Variants in ZBTB40 observed in about 807,000 individuals in gnomAD.
ZBTB40 encodes zinc finger and BTB domain-containing protein 40.
ZBTB40 carries 60 observed loss-of-function variants against 117.5 expected under a neutral mutation model. That is an observed-to-expected ratio of 0.51 (90% CI 0.41 to 0.63). The LOEUF (loss-of-function observed/expected upper bound fraction) is 0.63, where lower values mean the gene tolerates loss of function less well. ZBTB40 is among the 30% of genes least tolerant of loss of function. ZBTB40 has a pLI of 0.00. For synonymous variants in ZBTB40, 525 were observed against 577.1 expected, an observed-to-expected ratio of 0.91 and a Z score of 1.29; for missense variants, 1,287 against 1,498.5, an observed-to-expected ratio of 0.86 and a Z score of 2.33.
At chr1:22,484,236 T>C (rs544595051) in intron 1 of ZBTB40, among the ~76,000 whole-genome samples, 27 of 152,370 alleles carry the variant, frequency 1.8e-4, no homozygotes, top group Non-Finnish European at 3.7e-4. Context: ...ATTTTGGTCA[T>C]GGGGAAGATC....
chr1:22,488,746 A>G (rs571535153), intron 1 of ZBTB40, among the ~76,000 whole-genome samples: 1 of 152,330 alleles, frequency 6.6e-6, no homozygotes, highest in East Asian at 1.9e-4. Context: ...AGCAGCAGCA[A>G]GATCTGGCTG....
chr1:22,505,275 T>C (rs1404639188), intron 5 of ZBTB40, among the ~76,000 whole-genome samples: 1 of 152,200 alleles, frequency 6.6e-6, no homozygotes, highest in Non-Finnish European at 1.5e-5. Context: ...TATTATGCTG[T>C]AGTCCATTAA....
intron 12 of ZBTB40, among the ~76,000 whole-genome samples, chr1:22,515,272 G>C (rs1042553710): frequency 3.3e-5 from 5 of 152,238 alleles, no homozygotes; most frequent in African/African-American, 1.2e-4. Flanking sequence ...AGAGCATTAA[G>C]AGATAAGGCC....
intron 3 of ZBTB40, among the ~76,000 whole-genome samples, chr1:22,496,888 G>A (rs1394977597): frequency 1.3e-5 from 2 of 152,212 alleles, no homozygotes; most frequent in Non-Finnish European, 2.9e-5. Flanking sequence ...GTACCTTGAG[G>A]AGCAAGGAAG....
rs773855785 is a variant in ZBTB40, at chr1:22,508,135, G to GAGGT, written c.1497_1497+3dup. On this transcript the variant is annotated frameshift_variant and splice_region_variant, in exon 7 of 18. Transcript: ENST00000375647. LOFTEE classifies it high-confidence loss of function. ...GACAAGTTTAGCCCCTGGAGAAAGA[G>GAGGT]AGGTAAGAGAGGGAGAGAAACAGAG... The GAGGT allele has an allele frequency of 2.4e-4, 391 of 1,613,698 alleles. No individual in the cohort carries two copies. Among genetic ancestry groups the GAGGT allele is most frequent in the Non-Finnish European group, 3.2e-4 (374 of 1,180,006 alleles).
Position 22,502,328 on chromosome 1 carries a change from G to A in ZBTB40, c.1054G>A (p.Val352Ile). Residue 352 changes from valine (V) to isoleucine (I), a missense_variant, in exon 5 of 18, where the codon GTT (valine) becomes ATT (isoleucine). Physicochemically the swap from Val to Ile is conservative, Grantham distance 29 (BLOSUM62 3). This residue lies in a region of ZBTB40 where 870 missense variants were observed against 934.4 expected (regional missense o/e 0.93). Transcript: ENST00000375647. ...CACAGAGGAGGGAAAGACCTTGTCTGTTCTGTTACTAGAACACAAAGAGGA... is the reference window on the plus strand; with the variant it reads ...CACAGAGGAGGGAAAGACCTTGTCTATTCTGTTACTAGAACACAAAGAGGA... ...GSTEEGKTLS[V>I]LLLEHKEDLI... The A allele has an allele frequency of 6.2e-7, 1 of 1,613,916 alleles. No homozygotes were observed. Among genetic ancestry groups the A allele is most frequent in the Non-Finnish European group, 8.5e-7 (1 of 1,179,890 alleles).
chr1:22,437,341 A>G (rs1640681925), intron 1 of ZBTB40, among the ~76,000 whole-genome samples: 2 of 152,042 alleles, frequency 1.3e-5, no homozygotes, highest in African/African-American at 4.8e-5. Context: ...AACTCCAGGG[A>G]ACCCAGTCAT....
chr1:22,512,132 C>T lies in ZBTB40; in HGVS notation c.2459C>T (p.Ser820Leu). The T allele has an allele frequency of 6.2e-7, 1 of 1,612,776 alleles. No individual in the cohort carries two copies. The highest frequency in any genetic ancestry group is 8.5e-7 in the Non-Finnish European group (1 of 1,180,032). ...TGTGGCAGAGAATTTGCCCATGCCTCAGGTACGTTCAAGAAGGCAAAGGAA... is the reference window on the plus strand; with the variant it reads ...TGTGGCAGAGAATTTGCCCATGCCTTAGGTACGTTCAAGAAGGCAAAGGAA... ...DLCGREFAHA[S>L]GMQYHKLTEH... The change falls in exon 11 of 18, where the codon TCA (serine) becomes TTA (leucine). Residue 820 changes from serine (S) to leucine (L), a missense_variant and splice_region_variant. This residue lies in a region of ZBTB40 where 417 missense variants were observed against 564.1 expected (regional missense o/e 0.74). Coordinates refer to ENST00000375647, the MANE Select transcript of ZBTB40 (RefSeq NM_014870.4).
rs184900323 is a variant in ZBTB40, at chr1:22,491,383, T to C, written c.698-17T>C. 10 of 1,613,282 alleles carry C rather than the reference T, an allele frequency of 6.2e-6. No individual in the cohort carries two copies. Among genetic ancestry groups the C allele is most frequent in the Middle Eastern group, 1.7e-4 (1 of 5,822 alleles). On this transcript the variant is annotated splice_polypyrimidine_tract_variant and intron_variant, in intron 2 of 17. Transcript: ENST00000375647. ...AGTAATGAATTTCTGATTTGTTTTA[T>C]TTTGTTCTACATTTAGGATGTGAAA...
chr1:22,458,325 A>G (rs1487514390), intron 1 of ZBTB40, among the ~76,000 whole-genome samples: 2 of 152,202 alleles, frequency 1.3e-5, no homozygotes, highest in African/African-American at 2.4e-5. Flanking sequence ...GCTACCCTCC[A>G]ACTGTGGCTG....
chr1:22,448,452 T>C (rs921228204), upstream of ZBTB40, among the ~76,000 whole-genome samples: 3 of 152,244 alleles, frequency 2.0e-5, 1 homozygote, highest in South Asian at 6.2e-4. Context: ...TTTTACTCTT[T>C]CTTTTGTGTT....
chr1:22,492,053 C>A (rs1015741021), intron 3 of ZBTB40, among the ~76,000 whole-genome samples: 1 of 152,032 alleles, frequency 6.6e-6, no homozygotes, highest in East Asian at 1.9e-4. Context: ...TATGTGTTAC[C>A]GCATTTAATT....
At chr1:22,442,680 C>T (rs116163962) in intron 1 of ZBTB40, among the ~76,000 whole-genome samples, 3,553 of 152,196 alleles carry the variant, frequency 0.023, 149 homozygotes, top group African/African-American at 0.079. Context: ...GATAAAGGTC[C>T]AGGAATGCAG....
intron 1 of ZBTB40, among the ~76,000 whole-genome samples, chr1:22,434,044 C>T (rs1640637484): frequency 6.6e-6 from 1 of 152,076 alleles, no homozygotes; most frequent in African/African-American, 2.4e-5. Flanking sequence ...TATTAATCTG[C>T]ATAGGGATCG....
intron 6 of ZBTB40, 46 bp downstream of exon 6, chr1:22,506,287 A>C (rs1639074681): frequency 6.2e-7 from 1 of 1,602,876 alleles, no homozygotes; most frequent in South Asian, 1.1e-5. Context: ...ACTCTTCCAG[A>C]AAATTGTAGC....
chr1:22,483,130 G>A (rs1170692578), intron 1 of ZBTB40, among the ~76,000 whole-genome samples: 1 of 150,556 alleles, frequency 6.6e-6, no homozygotes, highest in Non-Finnish European at 1.5e-5. Context: ...GTCTTTTCAT[G>A]GCTTTATGTC....
intron 1 of ZBTB40, among the ~76,000 whole-genome samples, chr1:22,429,791 G>C (rs1207249962): frequency 2.0e-5 from 3 of 152,022 alleles, no homozygotes; most frequent in Non-Finnish European, 4.4e-5. Context: ...TTGGGAGTTC[G>C]AGACCAGTCT....
At chr1:22,485,178 T>C (rs1638431481) in intron 1 of ZBTB40, among the ~76,000 whole-genome samples, 1 of 152,230 alleles carries the variant, frequency 6.6e-6, no homozygotes, top group Non-Finnish European at 1.5e-5. Context: ...TTGGGAAATA[T>C]TCCCTCTGCT....
intron 1 of ZBTB40, among the ~76,000 whole-genome samples, chr1:22,452,285 C>T (rs1323649344): frequency 6.6e-6 from 1 of 152,202 alleles, no homozygotes; most frequent in Non-Finnish European, 1.5e-5. Context: ...TCGCTGTCGC[C>T]CCGCACCTCC....
Sources: gnomAD v4.1 joint callset for allele counts (sites outside exome capture counted in the v4.1 genomes callset) on GRCh38, gnomAD v4.1.1 for gene constraint, gnomAD v4.1.1 regional missense constraint, MANE v1.5 for transcripts, NCBI Gene and HGNC (gene_info 2026-07-23, HGNC 2026-07-21) for gene names.